NGF: variants seen among roughly 807,000 people sequenced by gnomAD.
The protein encoded by NGF is nerve growth factor, also known as beta-nerve growth factor.
NGF carries 4 observed loss-of-function variants against 12.8 expected under a neutral mutation model. The observed-to-expected ratio is 0.31, with a 90% CI of 0.15 to 0.72. NGF has a LOEUF of 0.72. NGF is among the 30% of genes least tolerant of loss of function. The probability of loss-of-function intolerance (pLI) is 0.69; values close to 1 mark genes in which losing one functional copy is unlikely to be tolerated. For missense variants in NGF, 283 were observed against 330.8 expected, an observed-to-expected ratio of 0.86 and a Z score of 1.12; for synonymous variants, 140 against 130.0, an observed-to-expected ratio of 1.08 and a Z score of -0.52.
intron 1 of NGF, among the ~76,000 whole-genome samples, chr1:115,330,576 C>CATCT (rs1461392966): frequency 6.6e-6 from 1 of 152,178 alleles, no homozygotes; most frequent in African/African-American, 2.4e-5. Flanking sequence ...GGAGCATGTA[C>CATCT]ATCTCCACCC....
intron 1 of NGF, among the ~76,000 whole-genome samples, chr1:115,336,533 A>G (rs1655113832): frequency 2.0e-5 from 3 of 152,160 alleles, no homozygotes; most frequent in Non-Finnish European, 4.4e-5. Flanking sequence ...CTCTGGAAAC[A>G]CTGCCCATCA....
In NGF at chr1:115,297,828, C is replaced by T. The variant is rs77406356; in HGVS notation, c.-136-4078G>A. ...TTGGAATCTTCTGGGAAGCTTTCCA[C>T]ACTCCTGCTGCCTGTGTCTCACCTT... On this transcript the variant is annotated intron_variant, in intron 1 of 2. Transcript: ENST00000369512. Among the ~76,000 whole-genome samples the T allele has an allele frequency of 2.6e-5, 4 of 152,332 alleles. No individual in the cohort carries two copies. In the East Asian group the frequency reaches 7.7e-4, roughly 29 times the overall value.
chr1:115,291,751 T>C (rs771581350), intron 2 of NGF, among the ~76,000 whole-genome samples: 2 of 152,214 alleles, frequency 1.3e-5, no homozygotes, highest in Non-Finnish European at 2.9e-5. Context: ...GATTCTGGCC[T>C]CACCTGAATA....
intron 1 of NGF, among the ~76,000 whole-genome samples, chr1:115,318,703 C>T (rs1030763449): frequency 1.3e-5 from 2 of 152,188 alleles, no homozygotes; most frequent in East Asian, 1.9e-4. Flanking sequence ...TTCTGCATCA[C>T]CACATCCCCA....
chr1:115,310,750 GT>G (rs1298071529), intron 1 of NGF, among the ~76,000 whole-genome samples: 2 of 151,634 alleles, frequency 1.3e-5, no homozygotes, highest in Non-Finnish European at 2.9e-5. Context: ...CTCACATAAG[GT>G]TTGTATATAT....
chr1:115,304,510 G>A (rs545375091), intron 1 of NGF, among the ~76,000 whole-genome samples: 4 of 151,440 alleles, frequency 2.6e-5, no homozygotes, highest in Non-Finnish European at 4.4e-5. Flanking sequence ...ATGTACCTTC[G>A]TCCTCCAAAA....
At chr1:115,324,304 A>T (rs955341075) in intron 1 of NGF, among the ~76,000 whole-genome samples, 95 of 152,234 alleles carry the variant, frequency 6.2e-4, no homozygotes, top group Admixed American at 6.0e-3. Flanking sequence ...ATGGGTCACT[A>T]TGTCTAAACA....
At position 115,293,423 on chromosome 1, in the gene NGF, G is replaced by A. The variant is rs1004685611; in HGVS notation, c.-13+204C>T. Among the ~76,000 whole-genome samples the A allele has an allele frequency of 4.6e-5, 7 of 152,272 alleles. No individual in the cohort carries two copies. The South Asian group carries it at 1.4e-3, about 32-fold the overall frequency. On this transcript the variant is annotated intron_variant, in intron 2 of 2. Coordinates refer to ENST00000369512, the MANE Select transcript of NGF (RefSeq NM_002506.3). ...TCCTGATATGTCCCTGGGGCCCATG[G>A]GGCCAACCTGCATGCACAAAAGATT...
At chr1:115,334,687 T>C (rs1012917840) in intron 1 of NGF, among the ~76,000 whole-genome samples, 2 of 152,188 alleles carry the variant, frequency 1.3e-5, no homozygotes, top group Non-Finnish European at 2.9e-5. Flanking sequence ...AGCAGCATTA[T>C]CTTTGAATAC....
chr1:115,319,232 C>T (rs1419059907), intron 1 of NGF, among the ~76,000 whole-genome samples: 2 of 152,160 alleles, frequency 1.3e-5, no homozygotes, highest in Non-Finnish European at 2.9e-5. Flanking sequence ...CTTAACCAGA[C>T]CCGGTGACTG....
At chr1:115,306,289 C>A (rs1034565119) in intron 1 of NGF, among the ~76,000 whole-genome samples, 1 of 152,156 alleles carries the variant, frequency 6.6e-6, no homozygotes, top group African/African-American at 2.4e-5. Flanking sequence ...GATGAACATT[C>A]AGAAGTGGAT....
Position 115,337,267 on chromosome 1 carries a change from G to GTTTGTTTGTTTTTTTTTTTTTTTTTTT in NGF, c.-137+936_-137+937insAAAAAAAAAAAAAAAAAAACAAACAAA. The stretch of plus-strand genomic sequence containing the variant: ...TCGAAATTTTTTTTGTTTTGTTTTT[G>GTTTGTTTGTTTTTTTTTTTTTTTTTTT]TTTTTTTTTTTTTTTTTTTTTTTTT... On this transcript the variant is annotated intron_variant, in intron 1 of 2. Coordinates refer to ENST00000369512, the MANE Select transcript of NGF (RefSeq NM_002506.3). 1.2e-4 allele frequency among the ~76,000 whole-genome samples: 10 copies of GTTTGTTTGTTTTTTTTTTTTTTTTTTT among 81,030 alleles called. 1 individual carries two copies. Among genetic ancestry groups the GTTTGTTTGTTTTTTTTTTTTTTTTTTT allele is most frequent in the African/African-American group, 4.2e-4 (8 of 18,860 alleles). 53.2% of individuals were successfully genotyped at this position (81,030 alleles called of 152,430 possible). A position where few individuals can be genotyped will look rare whatever the true frequency, so the allele number is the denominator to read the frequency against.
chr1:115,301,664 A>C (rs1654039948), intron 1 of NGF, among the ~76,000 whole-genome samples: 1 of 152,204 alleles, frequency 6.6e-6, no homozygotes, highest in Admixed American at 6.5e-5. Flanking sequence ...GCAATTGTAG[A>C]ACGCTCAGCC....
intron 1 of NGF, among the ~76,000 whole-genome samples, chr1:115,304,553 C>T (rs999533505): frequency 2.0e-5 from 3 of 151,928 alleles, no homozygotes; most frequent in Admixed American, 1.3e-4. Context: ...CTGATGCAAT[C>T]TATTAAAGGT....
chr1:115,321,814 T>G (rs1654637073), intron 1 of NGF, among the ~76,000 whole-genome samples: 1 of 152,128 alleles, frequency 6.6e-6, no homozygotes, highest in African/African-American at 2.4e-5. Flanking sequence ...TCCTTGTAAT[T>G]AAAACTGAAA....
intron 2 of NGF, among the ~76,000 whole-genome samples, chr1:115,287,771 T>C (rs894252415): frequency 2.0e-5 from 3 of 152,212 alleles, no homozygotes; most frequent in Non-Finnish European, 4.4e-5. Context: ...TGTTTGTTCT[T>C]ATGTGACTAT....
intron 1 of NGF, among the ~76,000 whole-genome samples, chr1:115,304,025 T>C (rs909634904): frequency 1.3e-5 from 2 of 150,150 alleles, no homozygotes; most frequent in African/African-American, 5.1e-5. Flanking sequence ...GAGATTTTTC[T>C]TTTCTTTTGT....
At chr1:115,295,242 A>T (rs540782158) in intron 1 of NGF, among the ~76,000 whole-genome samples, 11 of 152,296 alleles carry the variant, frequency 7.2e-5, no homozygotes, top group Admixed American at 7.2e-4. Context: ...TCTTCAAGTT[A>T]CTAGAAATCA....
chr1:115,317,773 C>T (rs948718588), intron 1 of NGF, among the ~76,000 whole-genome samples: 8 of 152,366 alleles, frequency 5.3e-5, no homozygotes, highest in Non-Finnish European at 8.8e-5. Flanking sequence ...TGCATCCCTG[C>T]CGCTGGCAGG....
Sources: allele counts gnomAD v4.1 joint callset (sites outside exome capture counted in the v4.1 genomes callset), GRCh38; gene constraint gnomAD v4.1.1; transcripts MANE v1.5; gene names NCBI Gene and HGNC (gene_info 2026-07-23, HGNC 2026-07-21).